Variants in CCDC78 observed in about 807,000 individuals in gnomAD.
CCDC78 encodes coiled-coil domain-containing protein 78.
CCDC78 carries 78 observed loss-of-function variants against 61.9 expected under a neutral mutation model. The ratio of observed to expected loss-of-function variants is 1.26; its 90% CI spans 1.05 to 1.52. CCDC78 has a LOEUF of 1.52. Among genes scored for constraint, CCDC78 ranks in the 40% most tolerant of loss-of-function variants. The pLI, the probability that CCDC78 is intolerant of heterozygous loss-of-function variation, is 0.00. For missense variants in CCDC78, 737 were observed against 615.5 expected (o/e 1.20, Z -2.09); for synonymous variants, 287 against 251.9 (o/e 1.14, Z -1.32).
At chr16:725,702 C>T (rs2040840221) in intron 3 of CCDC78, 92 bp downstream of exon 3, 6 of 1,569,672 alleles carry the variant, frequency 3.8e-6, no homozygotes, top group Non-Finnish European at 5.2e-6. Context: ...CCCACAGATG[C>T]CATGTGCGTG....
rs775532654 is a variant in CCDC78 at position 722,602 on chromosome 16, G to A, written c.*76C>T. The A allele has an allele frequency of 2.9e-5, 9 of 306,626 alleles. No individual in the cohort carries two copies. Among genetic ancestry groups the A allele is most frequent in the Non-Finnish European group, 4.4e-5 (7 of 159,896 alleles). 19.0% of individuals were successfully genotyped at this position (306,626 alleles called of 1,614,324 possible). On this transcript the variant is annotated 3_prime_UTR_variant, in exon 14 of 14. Coordinates refer to ENST00000345165, the MANE Select transcript of CCDC78 (RefSeq NM_001378030.1). The stretch of plus-strand genomic sequence containing the variant: ...CTCTGTGGGTTCTATCCTGACTCAT[G>A]TTTTATGGGGGGCTGGGTGGGAGGG...
chr16:726,653 C>G (rs2040971272), upstream of CCDC78: 2 of 521,180 alleles, frequency 3.8e-6, no homozygotes, highest in South Asian at 2.8e-5. Flanking sequence ...AGCGCCCAGC[C>G]TGGGCGCAGC....
At position 724,601 on chromosome 16, in the gene CCDC78, T is replaced by C. The variant is rs781344129; in HGVS notation, c.765+80A>G. The C allele has an allele frequency of 2.0e-5, 31 of 1,566,272 alleles. No individual in the cohort carries two copies. The Middle Eastern group carries it at 5.0e-4, about 25-fold the overall frequency. On this transcript the variant is annotated intron_variant, in intron 8 of 13. Coordinates refer to ENST00000345165, the MANE Select transcript of CCDC78 (RefSeq NM_001378030.1). Reference sequence around the variant, plus strand: ...AGCAGGCTGAGCAGTGCCGGGGCCCTGGGGTCTCCCTGAAGCTATCCAGCA... The same window carrying C: ...AGCAGGCTGAGCAGTGCCGGGGCCCCGGGGTCTCCCTGAAGCTATCCAGCA...
rs749951287 is a variant in CCDC78, at chr16:724,763, T to G, written c.683A>C (p.Glu228Ala). 2.8e-5 allele frequency: 45 copies of G among 1,612,206 alleles called. No individual in the cohort carries two copies. Among genetic ancestry groups the G allele is most frequent in the Non-Finnish European group, 3.3e-5 (39 of 1,179,800 alleles). The change falls in exon 8 of 14, where the codon GAA becomes GCA. Residue 228 changes from glutamate to alanine, a missense_variant. Transcript: ENST00000345165. ...CQGQLRQAEA[E>A]NARLQLQLKK... ...GAGCTGCAGCTGCAGCCGGGCATTTTCAGCCTCTGCCTGACGGAGCTGGCC... is the reference window on the plus strand; with the variant it reads ...GAGCTGCAGCTGCAGCCGGGCATTTGCAGCCTCTGCCTGACGGAGCTGGCC...
chr16:726,668 G>T (rs2040972124), upstream of CCDC78: 1 of 512,240 alleles, frequency 2.0e-6, no homozygotes. Flanking sequence ...CGCAGCGGAC[G>T]AGCACGCGGA....
Position 722,725 on chromosome 16 carries a change from C to T in CCDC78, c.1366G>A (p.Ala456Thr), listed in dbSNP as rs532033150. 10 of 1,610,812 alleles carry T rather than the reference C, an allele frequency of 6.2e-6. No individual in the cohort carries two copies. Among genetic ancestry groups the T allele is most frequent in the Non-Finnish European group, 8.5e-6 (10 of 1,179,926 alleles). ...TGCTGGGGCTTGGCTGGAGGCACAG[C>T]CCCCACTTTCCAGGGGTCCCCTGCA... ...AGAGDPWKVG[A>T]VPPAKPQHPR... is the part of the protein sequence containing the mutation. The change falls in exon 14 of 14, where the codon GCT becomes ACT. Residue 456 changes from alanine (A) to threonine (T), a missense_variant. By Grantham distance (58) the Ala-to-Thr change is moderately conservative (BLOSUM62 0). Coordinates refer to ENST00000345165, the MANE Select transcript of CCDC78 (RefSeq NM_001378030.1).
Position 722,765 on chromosome 16 carries a change from C to T in CCDC78, c.1326G>A (p.Leu442=). 1.9e-6 allele frequency: 3 copies of T among 1,612,572 alleles called. No homozygotes were observed. The highest frequency in any genetic ancestry group is 1.3e-5 in the African/African-American group (1 of 75,034). The part of the protein sequence containing the change: ...LGRYKHEILR[L]RKLAGAGDPW... ...GGTCCCCTGCACCTGCCAGCTTCCT[C>T]AGCCTCAGGATTTCGTGCTTGTACC... The change falls in exon 14 of 14, where the codon CTG becomes CTA. Residue 442 remains leucine (L), a synonymous_variant. Coordinates refer to ENST00000345165, the MANE Select transcript of CCDC78 (RefSeq NM_001378030.1).
rs1567323213 is a variant in CCDC78 at position 725,345 on chromosome 16, CACTGAGGCCCCT to C, written c.435+56_436-53del. ...CTAAGGGGTGGGTGAGCCCCAGTTT[CACTGAGGCCCCT>C]GCTGAGGCTTCCCTCTGGCCTTTCC... On this transcript the variant is annotated intron_variant, in intron 4 of 13. Coordinates refer to ENST00000345165, the MANE Select transcript of CCDC78 (RefSeq NM_001378030.1). 3.7e-6 allele frequency: 6 copies of C among 1,611,138 alleles called. No homozygotes were observed. In the South Asian group the frequency reaches 6.6e-5, roughly 18 times the overall value.
chr16:725,485 A>T lies in CCDC78; in HGVS notation c.363T>A (p.His121Gln), dbSNP rs374973541. 6.2e-7 allele frequency: 1 copy of T among 1,612,552 alleles called. No homozygotes were observed. The highest frequency in any genetic ancestry group is 1.3e-5 in the African/African-American group (1 of 74,918). ...CAVPVESDPR[H>Q]PRAAAQELRH... ...TGAGCTCTTGGGCTGCTGCCCGGGG[A>T]TGCCTGGGGTCAGACTCCACTGGGA... The change falls in exon 4 of 14, where the codon CAT (histidine) becomes CAA (glutamine). Residue 121 changes from histidine (H) to glutamine (Q), a missense_variant. Coordinates refer to ENST00000345165, the MANE Select transcript of CCDC78 (RefSeq NM_001378030.1).
chr16:724,565 C>T lies in CCDC78; in HGVS notation c.766-56G>A, dbSNP rs760723287. On this transcript the variant is annotated intron_variant, in intron 8 of 13. Coordinates refer to ENST00000345165, the MANE Select transcript of CCDC78 (RefSeq NM_001378030.1). Reference sequence around the variant, plus strand: ...CCCACCCCCCATCTTTTCCAACCATCCCCCCACCCCAGCAGGCTGAGCAGT... The same window carrying T: ...CCCACCCCCCATCTTTTCCAACCATTCCCCCACCCCAGCAGGCTGAGCAGT... 2.1e-5 allele frequency: 32 copies of T among 1,557,660 alleles called. No homozygotes were observed. The African/African-American group carries it at 3.5e-4, about 17-fold the overall frequency.
chr16:724,030 G>A (rs2040561584), intron 10 of CCDC78, 76 bp downstream of exon 10: 3 of 1,569,772 alleles, frequency 1.9e-6, no homozygotes, highest in Non-Finnish European at 2.6e-6. Context: ...CCCAGGATGA[G>A]GCCTGGGGCC....
upstream of CCDC78, chr16:726,476 T>C (rs1338345007): frequency 7.3e-6 from 10 of 1,365,718 alleles, no homozygotes; most frequent in East Asian, 2.5e-5. Context: ...AGGCCTCTGT[T>C]GGTCCCAGGT....
intron 6 of CCDC78, 34 bp downstream of exon 6, chr16:725,044 C>G (rs2040724676): frequency 6.2e-7 from 1 of 1,612,488 alleles, no homozygotes; most frequent in African/African-American, 1.3e-5. Context: ...TCTCTCTGCT[C>G]CAGGATGGGG....
In CCDC78 at chr16:724,111, C is replaced by A; in HGVS notation, c.1048G>T (p.Asp350Tyr). 1.3e-6 allele frequency: 2 copies of A among 1,592,642 alleles called. No individual in the cohort carries two copies. The highest frequency in any genetic ancestry group is 1.1e-5 in the South Asian group (1 of 88,020). The part of the protein sequence containing the change: ...PLVTDFSHRE[D>Y]QHGGPGALLS... ...CTGGGGGTCTCTAGCCTCACCTGGT[C>A]CTCCCGATGGCTGAAGTCAGTGACC... Residue 350 changes from aspartate to tyrosine, a missense_variant, in exon 10 of 14, where the codon GAC (aspartate) becomes TAC (tyrosine). Asp to Tyr is a radical substitution (Grantham distance 160). Transcript: ENST00000345165.
At chr16:726,751 T>G, upstream of CCDC78, 2 of 315,494 alleles carry the variant, frequency 6.3e-6, no homozygotes, top group Non-Finnish European at 6.2e-6. Flanking sequence ...CTAGCAGTGC[T>G]GGCTGAGCCC....
chr16:724,321 C>T lies in CCDC78; in HGVS notation c.953+1G>A, dbSNP rs374915151. On this transcript the variant is annotated splice_donor_variant, in intron 9 of 13. Transcript: ENST00000345165. LOFTEE classifies it high-confidence loss of function. The stretch of plus-strand genomic sequence containing the variant: ...ACACCTCCCATCCCAGCGGGGCCCA[C>T]CTGTAGGCAACCAGTAGCTCTTCAT... The T allele has an allele frequency of 1.3e-5, 21 of 1,610,228 alleles. No individual in the cohort carries two copies. The Middle Eastern group carries it at 6.6e-4, about 51-fold the overall frequency.
intron 11 of CCDC78, chr16:723,572 C>G (rs187550620): frequency 8.8e-6 from 6 of 681,142 alleles, no homozygotes; most frequent in Non-Finnish European, 1.3e-5. Flanking sequence ...CCACCCCTCG[C>G]GTCCTCCAGG....
At chr16:723,394 A>C (rs915925480) in intron 11 of CCDC78, 1 of 700,974 alleles carries the variant, frequency 1.4e-6, no homozygotes, top group African/African-American at 1.7e-5. Context: ...GGAGGGCTAA[A>C]CCACAAGGCC....
At chr16:726,251 G>A in intron 1 of CCDC78, 57 bp downstream of exon 1, 1 of 1,549,588 alleles carries the variant, frequency 6.5e-7, no homozygotes, top group South Asian at 1.2e-5. Flanking sequence ...CCTGGCCTTT[G>A]GGGGAACGGG....
Sources: gnomAD v4.1 joint callset for allele counts on GRCh38, gnomAD v4.1.1 for gene constraint, MANE v1.5 for transcripts, NCBI Gene and HGNC (gene_info 2026-07-23, HGNC 2026-07-21) for gene names.